The following KCTD8 variants were observed in gnomAD, a reference collection of about 807,000 sequenced individuals.
KCTD8 encodes the protein BTB/POZ domain-containing protein KCTD8.
KCTD8 carries 27 observed loss-of-function variants against 31.5 expected under a neutral mutation model. The observed-to-expected ratio is 0.86, with a 90% CI of 0.63 to 1.18. The LOEUF (loss-of-function observed/expected upper bound fraction) is 1.18, where lower values mean the gene tolerates loss of function less well. Ranked by LOEUF, KCTD8 falls within the 50% of genes most tolerant of loss-of-function variation. KCTD8 has a pLI of 0.00. For missense variants in KCTD8, 658 were observed against 647.7 expected (o/e 1.02, Z -0.17); for synonymous variants, 290 against 280.0 (o/e 1.04, Z -0.36).
At chr4:44,303,395 G>C (rs186572422) in intron 1 of KCTD8, among the ~76,000 whole-genome samples, 1,978 of 152,190 alleles carry the variant, frequency 0.013, 57 homozygotes, top group African/African-American at 0.045. Flanking sequence ...CACAATTTCA[G>C]ATCCTGTTAT....
rs1053992775 is a variant in KCTD8 at position 44,448,704 on chromosome 4, T to A, written c.-181A>T. Reference sequence around the variant, plus strand: ...GCGGCGGCGTCGGCGGCGCCCGAGCTCCATCGGAGGAGAGACGCGCGAGAG... The same window carrying A: ...GCGGCGGCGTCGGCGGCGCCCGAGCACCATCGGAGGAGAGACGCGCGAGAG... On this transcript the variant is annotated 5_prime_UTR_variant, in exon 1 of 2. Transcript: ENST00000360029. This position sits in a 1 kb window ranked among gnomAD's most constrained non-coding sequence, Gnocchi z 4.1. 10 of 508,114 alleles carry A rather than the reference T, an allele frequency of 2.0e-5. No individual in the cohort carries two copies. In the African/African-American group the frequency reaches 2.0e-4, roughly 10 times the overall value. The allele number at this position is 508,114 out of a possible 1,614,324, so 31.5% of individuals were successfully genotyped here. A position where few individuals can be genotyped will look rare whatever the true frequency, so the allele number is the denominator to read the frequency against.
rs375617075 is a variant in KCTD8 at position 44,356,526 on chromosome 4, T to G, written c.961+91037A>C. Reference sequence around the variant, plus strand: ...TCTTGCTCTGTTGCCCAGGCTGGAGTGCAGTGGCACGATCTCAACTCACTG... The same window carrying G: ...TCTTGCTCTGTTGCCCAGGCTGGAGGGCAGTGGCACGATCTCAACTCACTG... On this transcript the variant is annotated intron_variant, in intron 1 of 1. Coordinates refer to ENST00000360029, the MANE Select transcript of KCTD8 (RefSeq NM_198353.3). Among the ~76,000 whole-genome samples, 116 of 152,110 alleles carry G rather than the reference T, an allele frequency of 7.6e-4. 1 individual carries two copies. Among genetic ancestry groups the G allele is most frequent in the Non-Finnish European group, 1.5e-4 (10 of 68,028 alleles).
At chr4:44,398,111 C>T (rs10517104) in intron 1 of KCTD8, among the ~76,000 whole-genome samples, 37,821 of 152,020 alleles carry the variant, frequency 0.25, 5,015 homozygotes, top group South Asian at 0.3. Context: ...TAAGGAATCA[C>T]GAGAAAATCT....
intron 1 of KCTD8, 76 bp from the exon 2 acceptor site, chr4:44,175,326 T>C (rs1009280073): frequency 2.4e-6 from 2 of 841,006 alleles, no homozygotes; most frequent in South Asian, 4.3e-5. Flanking sequence ...AAATGAACTC[T>C]ATATTTTCTA....
intron 1 of KCTD8, among the ~76,000 whole-genome samples, chr4:44,252,780 T>A (rs1434764478): frequency 6.6e-6 from 1 of 151,774 alleles, no homozygotes; most frequent in African/African-American, 2.4e-5. Flanking sequence ...CAATCACACA[T>A]AAATGTCTTA....
intron 1 of KCTD8, among the ~76,000 whole-genome samples, chr4:44,183,623 G>T (rs573640311): frequency 6.6e-6 from 1 of 151,994 alleles, no homozygotes; most frequent in East Asian, 1.9e-4. Context: ...CAATATTTTT[G>T]TCTTTAAAAA....
chr4:44,212,573 C>T (rs1714522292), intron 1 of KCTD8, among the ~76,000 whole-genome samples: 1 of 151,996 alleles, frequency 6.6e-6, no homozygotes, highest in African/African-American at 2.4e-5. Flanking sequence ...CTATGTGGAC[C>T]AGCAGAATTC....
At chr4:44,217,470 G>A (rs376419650) in intron 1 of KCTD8, among the ~76,000 whole-genome samples, 2 of 152,294 alleles carry the variant, frequency 1.3e-5, no homozygotes, top group African/African-American at 4.8e-5. Flanking sequence ...GAATAAGACT[G>A]TGATGGTTAA....
At chr4:44,283,900 C>A (rs1716979513) in intron 1 of KCTD8, among the ~76,000 whole-genome samples, 1 of 151,964 alleles carries the variant, frequency 6.6e-6, no homozygotes, top group South Asian at 2.1e-4. Flanking sequence ...GAATAAAATA[C>A]CTAGGAATAC....
At chr4:44,340,915 GTATAT>G (rs1359839232) in intron 1 of KCTD8, among the ~76,000 whole-genome samples, 3 of 151,724 alleles carry the variant, frequency 2.0e-5, no homozygotes, top group Non-Finnish European at 1.5e-5. Flanking sequence ...TGATAGGATT[GTATAT>G]TATATGAATG....
At chr4:44,303,254 C>G (rs1012209812) in intron 1 of KCTD8, among the ~76,000 whole-genome samples, 2 of 151,988 alleles carry the variant, frequency 1.3e-5, no homozygotes, top group Non-Finnish European at 2.9e-5. Context: ...AGGGAGGATT[C>G]CCTCTTTTTC....
intron 1 of KCTD8, among the ~76,000 whole-genome samples, chr4:44,202,490 A>AT (rs1285469486): frequency 6.6e-6 from 1 of 152,234 alleles, no homozygotes; most frequent in Non-Finnish European, 1.5e-5. Context: ...CCATGGATGC[A>AT]GCTGGAAGCC....
At chr4:44,188,047 G>C (rs1314545038) in intron 1 of KCTD8, among the ~76,000 whole-genome samples, 2 of 151,730 alleles carry the variant, frequency 1.3e-5, no homozygotes, top group African/African-American at 2.4e-5. Context: ...TGTGTTGCAG[G>C]AGCAGCAACA....
chr4:44,338,592 C>T lies in KCTD8; in HGVS notation c.961+108971G>A, dbSNP rs992311241. ...TGCTCTCAGGATATTAAAACAGATACGTATGGATGTGTGCGTGAGTGATAC... is the reference window on the plus strand; with the variant it reads ...TGCTCTCAGGATATTAAAACAGATATGTATGGATGTGTGCGTGAGTGATAC... On this transcript the variant is annotated intron_variant, in intron 1 of 1. Coordinates refer to ENST00000360029, the MANE Select transcript of KCTD8 (RefSeq NM_198353.3). 2.5e-4 allele frequency among the ~76,000 whole-genome samples: 38 copies of T among 152,092 alleles called. 1 individual carries two copies. The highest frequency in any genetic ancestry group is 1.3e-4 in the Non-Finnish European group (9 of 68,006).
chr4:44,273,735 C>T (rs1443558934), intron 1 of KCTD8, among the ~76,000 whole-genome samples: 1 of 151,816 alleles, frequency 6.6e-6, no homozygotes, highest in Non-Finnish European at 1.5e-5. Context: ...TGTGACAGGG[C>T]AAACCCAACA....
intron 1 of KCTD8, among the ~76,000 whole-genome samples, chr4:44,218,645 A>T (rs557758500): frequency 1.3e-5 from 2 of 150,968 alleles, no homozygotes; most frequent in Admixed American, 1.3e-4. Context: ...ATAAAGAAAA[A>T]AAAATTAAAA....
At chr4:44,345,163 C>T (rs896696299) in intron 1 of KCTD8, among the ~76,000 whole-genome samples, 2 of 152,024 alleles carry the variant, frequency 1.3e-5, no homozygotes, top group Admixed American at 6.6e-5. Flanking sequence ...TATTTAAGAA[C>T]ATTTTATTAA....
intron 1 of KCTD8, among the ~76,000 whole-genome samples, chr4:44,315,513 C>T (rs1718081048): frequency 1.3e-5 from 2 of 152,058 alleles, no homozygotes; most frequent in African/African-American, 4.8e-5. Context: ...TTTCTAACTT[C>T]CTTCCCATCT....
chr4:44,336,056 A>C (rs1175503372), intron 1 of KCTD8, among the ~76,000 whole-genome samples: 2 of 142,088 alleles, frequency 1.4e-5, no homozygotes, highest in African/African-American at 2.6e-5. Context: ...AGGCTGAGGC[A>C]GGAGAATGGC....
Sources: allele counts gnomAD v4.1 joint callset (sites outside exome capture counted in the v4.1 genomes callset), GRCh38; gene constraint gnomAD v4.1.1; non-coding constraint Gnocchi (gnomAD v3.1); transcripts MANE v1.5; gene names NCBI Gene and HGNC (gene_info 2026-07-23, HGNC 2026-07-21).